Variants in RRM2 observed in about 807,000 individuals in gnomAD.
The protein encoded by RRM2 is ribonucleoside-diphosphate reductase subunit M2.
A neutral mutation model predicts 45.9 loss-of-function variants in RRM2; 6 were observed. That is an observed-to-expected ratio of 0.13 (90% CI 0.07 to 0.26). The LOEUF (loss-of-function observed/expected upper bound fraction) is 0.26. RRM2 is among the 10% of genes least tolerant of loss of function. The pLI is 1.00. For missense variants in RRM2, 343 were observed against 489.5 expected (o/e 0.70, Z 2.82); for synonymous variants, 177 against 173.0 (o/e 1.02, Z -0.18).
chr2:10,200,464 G>GCACACAAAATATGAGGCCCACAGGGAC (rs1664532405), intron 3 of RRM2, among the ~76,000 whole-genome samples: 1 of 93,768 alleles, frequency 1.1e-5, no homozygotes, highest in Non-Finnish European at 2.5e-5. Context: ...CAGGGACCGC[G>GCACACAAAATATGAGGCCCACAGGGAC]CGCGCAAAAT....
upstream of RRM2, among the ~76,000 whole-genome samples, chr2:10,140,345 G>A (rs148402905): frequency 4.2e-3 from 643 of 152,334 alleles, 5 homozygotes; most frequent in African/African-American, 0.015. Flanking sequence ...TCGTTGGGGC[G>A]CAGCCACACT....
chr2:10,173,523 G>A (rs1388159712), intron 3 of RRM2, among the ~76,000 whole-genome samples: 4 of 152,180 alleles, frequency 2.6e-5, no homozygotes, highest in Admixed American at 2.6e-4. Flanking sequence ...CAGAGGCCCA[G>A]CCCAATGCAG....
At chr2:10,208,923 C>G (rs1336457614) in intron 3 of RRM2, among the ~76,000 whole-genome samples, 1 of 152,128 alleles carries the variant, frequency 6.6e-6, no homozygotes, top group Non-Finnish European at 1.5e-5. Context: ...TCCCACCTCT[C>G]CAGCTCAAGG....
At chr2:10,209,059 T>TC (rs1558409772) in intron 3 of RRM2, among the ~76,000 whole-genome samples, 2 of 138,680 alleles carry the variant, frequency 1.4e-5, no homozygotes, top group African/African-American at 5.4e-5. Flanking sequence ...CTTTCTTTCT[T>TC]TTTTTTTTTT....
chr2:10,122,730 G>C (rs1414281461), upstream of RRM2: 2 of 1,551,990 alleles, frequency 1.3e-6, no homozygotes, highest in Admixed American at 2.0e-5. Context: ...CTGGAGTGAG[G>C]GGTCGCCCGT....
At chr2:10,180,961 T>A (rs1664033170) in intron 3 of RRM2, among the ~76,000 whole-genome samples, 1 of 152,094 alleles carries the variant, frequency 6.6e-6, no homozygotes, top group Non-Finnish European at 1.5e-5. Flanking sequence ...GAGATGGGGT[T>A]TCAACATGTT....
At chr2:10,203,422 G>A (rs1449266865) in intron 3 of RRM2, among the ~76,000 whole-genome samples, 2 of 152,112 alleles carry the variant, frequency 1.3e-5, no homozygotes, top group Admixed American at 1.3e-4. Context: ...TGGCACCTAC[G>A]CATAGATTGT....
chr2:10,196,799 G>A (rs943002843), intron 3 of RRM2, among the ~76,000 whole-genome samples: 2 of 152,226 alleles, frequency 1.3e-5, no homozygotes, highest in African/African-American at 2.4e-5. Context: ...GGCCGCAGCC[G>A]GGACAGGAGT....
At chr2:10,164,802 G>T (rs968920009) in intron 3 of RRM2, among the ~76,000 whole-genome samples, 6 of 152,162 alleles carry the variant, frequency 3.9e-5, no homozygotes, top group African/African-American at 1.4e-4. Flanking sequence ...CCCCTCCCTG[G>T]TCCTGCAGTC....
intron 3 of RRM2, among the ~76,000 whole-genome samples, chr2:10,207,045 G>A (rs1664677447): frequency 6.6e-6 from 1 of 152,210 alleles, no homozygotes; most frequent in Admixed American, 6.5e-5. Context: ...CAGAGGGAAT[G>A]GCTGTCTCAG....
In RRM2 at chr2:10,195,027, C is replaced by T. The variant is rs562284519; in HGVS notation, n.483-15284C>T. Among the ~76,000 whole-genome samples the T allele has an allele frequency of 9.2e-5, 14 of 152,356 alleles. No individual in the cohort carries two copies. The South Asian group carries it at 2.9e-3, about 32-fold the overall frequency. On this transcript the variant is annotated intron_variant and non_coding_transcript_variant, in intron 3 of 3. Transcript: ENST00000381786. The surrounding 1 kb of genome is among the most constrained non-coding windows in gnomAD (Gnocchi z 4.9). ...CAAGGCCTGTGAGGCACGTGACCAC[C>T]AAAACCCTCACGAGGCCATGTGGTC...
rs1558380863 is a variant in RRM2, at chr2:10,127,205, T to G, written c.783T>G (p.Leu261=). The G allele has an allele frequency of 6.2e-7, 1 of 1,613,894 alleles. No individual in the cohort carries two copies. The highest frequency in any genetic ancestry group is 8.5e-7 in the Non-Finnish European group (1 of 1,180,026). ...CTGGCCTCACATTTTCTAATGAACT[T>G]ATTAGCAGAGATGAGGTGAGTCTAA... is the stretch of plus-strand genomic sequence containing the variant. ...LMPGLTFSNE[L]ISRDEGLHCD... Residue 261 remains leucine, a synonymous_variant, in exon 7 of 10, where the codon CTT becomes CTG. Transcript: ENST00000304567. The surrounding 1 kb of genome is among the most constrained non-coding windows in gnomAD (Gnocchi z 4.1).
Position 10,169,658 on chromosome 2 carries a change from C to T in RRM2, n.482+27283C>T, listed in dbSNP as rs2125321785. Among the ~76,000 whole-genome samples, 1 of 152,240 alleles carries T rather than the reference C, an allele frequency of 6.6e-6. No homozygotes were observed. The highest frequency in any genetic ancestry group is 2.4e-5 in the African/African-American group (1 of 41,550). ...GCAGGCACGGCCACAGAATATGCGCCCCTTTCCTGGCCCCCTCGAGGTCTG... is the reference window on the plus strand; with the variant it reads ...GCAGGCACGGCCACAGAATATGCGCTCCTTTCCTGGCCCCCTCGAGGTCTG... On this transcript the variant is annotated intron_variant and non_coding_transcript_variant, in intron 3 of 3. Transcript: ENST00000381786. The surrounding 1 kb of genome is among the most constrained non-coding windows in gnomAD (Gnocchi z 5.1).
chr2:10,164,342 A>C (rs905880630), intron 3 of RRM2, among the ~76,000 whole-genome samples: 1 of 152,192 alleles, frequency 6.6e-6, no homozygotes, highest in Non-Finnish European at 1.5e-5. Context: ...CATATCATCT[A>C]TCCACATCTC....
In RRM2 at chr2:10,144,940, C is replaced by T. The variant is rs116474138; in HGVS notation, n.482+2565C>T. Among the ~76,000 whole-genome samples the T allele has an allele frequency of 5.0e-3, 761 of 152,326 alleles. 2 individuals are homozygous for T. Among genetic ancestry groups the T allele is most frequent in the Non-Finnish European group, 9.0e-3 (614 of 68,034 alleles). On this transcript the variant is annotated intron_variant and non_coding_transcript_variant, in intron 3 of 3. Transcript: ENST00000381786. ...GGGTGACCGTGTTATGCAAAGTGTA[C>T]ACCATGTAGCATGAGCACCGGGCCG... is the stretch of plus-strand genomic sequence containing the variant.
downstream of RRM2, chr2:10,131,420 T>G (rs953981903): frequency 1.4e-5 from 2 of 147,120 alleles, no homozygotes; most frequent in Non-Finnish European, 3.0e-5. Flanking sequence ...TGTCAGTTTC[T>G]TGATTGGTAA....
chr2:10,177,170 C>T (rs75647035), intron 3 of RRM2, among the ~76,000 whole-genome samples: 40,326 of 151,868 alleles, frequency 0.27, 6,277 homozygotes, highest in Non-Finnish European at 0.36. Context: ...CGCTTGAACC[C>T]GGGAGTTGAA....
At chr2:10,210,462 G>A in exon 4 of RRM2, 1 of 1,367,902 alleles carries the variant, frequency 7.3e-7, no homozygotes, top group South Asian at 1.1e-5. Context: ...TCAGAATGAA[G>A]TTATCTGGGT....
intron 3 of RRM2, 68 bp downstream of exon 3, chr2:10,123,598 A>G: frequency 6.4e-7 from 1 of 1,562,486 alleles, no homozygotes; most frequent in East Asian, 2.3e-5. Context: ...ATGCACTTGG[A>G]GGTTCCCGTT....
Sources: allele counts gnomAD v4.1 joint callset (sites outside exome capture counted in the v4.1 genomes callset), GRCh38; gene constraint gnomAD v4.1.1; non-coding constraint Gnocchi (gnomAD v3.1); transcripts MANE v1.5; gene names NCBI Gene and HGNC (gene_info 2026-07-23, HGNC 2026-07-21).